Variants in MAPK12 observed in about 807,000 individuals in gnomAD.
The protein encoded by MAPK12 is MAP kinase 12.
MAPK12 carries 49 observed loss-of-function variants against 49.1 expected under a neutral mutation model. That is an observed-to-expected ratio of 1.00 (90% CI 0.79 to 1.27). The LOEUF (loss-of-function observed/expected upper bound fraction) is 1.27. Among genes scored for constraint, MAPK12 ranks in the 50% most tolerant of loss-of-function variants. The pLI, the probability that MAPK12 is intolerant of heterozygous loss-of-function variation, is 0.00. For synonymous variants in MAPK12, 251 were observed against 209.7 expected, an observed-to-expected ratio of 1.20 and a Z score of -1.70; for missense variants, 554 against 502.4, an observed-to-expected ratio of 1.10 and a Z score of -0.98.
chr22:50,260,934 A>G, intron 2 of MAPK12: 1 of 417,874 alleles, frequency 2.4e-6, no homozygotes, highest in Non-Finnish European at 4.2e-6. Flanking sequence ...GCGCCGAGTC[A>G]AGGGGCTGAG....
At chr22:50,259,436 C>T (rs2065186471) in intron 2 of MAPK12, among the ~76,000 whole-genome samples, 3 of 152,132 alleles carry the variant, frequency 2.0e-5, no homozygotes, top group Admixed American at 6.5e-5. Context: ...AGAGCCTCCT[C>T]CCCCGCTGAG....
Position 50,256,927 on chromosome 22 carries a change from G to A in MAPK12, c.456+8C>T, listed in dbSNP as rs763722749. ...GGGCTGATGAGCGGCTTCTCCACCG[G>A]GACTCACTCTGTGGATGATGCCGGC... On this transcript the variant is annotated splice_region_variant and intron_variant, in intron 5 of 11. Coordinates refer to ENST00000215659, the MANE Select transcript of MAPK12 (RefSeq NM_002969.6). 2 of 1,605,666 alleles carry A rather than the reference G, an allele frequency of 1.2e-6. No individual in the cohort carries two copies. Among genetic ancestry groups the A allele is most frequent in the Non-Finnish European group, 8.5e-7 (1 of 1,177,966 alleles).
Position 50,257,130 on chromosome 22 carries a change from G to A in MAPK12, c.378C>T (p.Gly126=), listed in dbSNP as rs746893581. The A allele has an allele frequency of 1.2e-5, 20 of 1,612,680 alleles. No homozygotes were observed. The highest frequency in any genetic ancestry group is 2.2e-5 in the South Asian group (2 of 91,088). ...LGKLMKHEKL[G]EDRIQFLVYQ... is the part of the protein sequence containing the mutation. The stretch of plus-strand genomic sequence containing the variant: ...ACACGAGGAACTGGATCCGGTCCTC[G>A]CCTAGCTTCTCATGTTTCATGAGCT... The change falls in exon 4 of 12, where the codon GGC becomes GGT. Residue 126 remains glycine (G), a synonymous_variant. Coordinates refer to ENST00000215659, the MANE Select transcript of MAPK12 (RefSeq NM_002969.6).
chr22:50,257,711 A>G (rs2065164783), intron 3 of MAPK12: 2 of 618,034 alleles, frequency 3.2e-6, no homozygotes, highest in Admixed American at 5.5e-5. Context: ...ACCTTCCCAG[A>G]GGCCACTGAC....
chr22:50,261,560 C>T lies in MAPK12; in HGVS notation c.-51G>A. 3.9e-6 allele frequency: 4 copies of T among 1,038,028 alleles called. No individual in the cohort carries two copies. The highest frequency in any genetic ancestry group is 4.6e-6 in the Non-Finnish European group (4 of 864,376). 64.3% of individuals were successfully genotyped at this position (1,038,028 alleles called of 1,614,324 possible). Reference sequence around the variant, plus strand: ...GCAGAGCCTGCGGGCGGTGCCCCCACGACCGGGGACGGGGCTCCCTCGGCG... The same window carrying T: ...GCAGAGCCTGCGGGCGGTGCCCCCATGACCGGGGACGGGGCTCCCTCGGCG... On this transcript the variant is annotated 5_prime_UTR_variant, in exon 1 of 12. It adds an upstream start codon to the 5' untranslated region. Transcript: ENST00000215659.
At chr22:50,254,916 C>T in intron 11 of MAPK12, 1 of 1,322,830 alleles carries the variant, frequency 7.6e-7, no homozygotes, top group Non-Finnish European at 9.7e-7. Context: ...CTTCAACTTC[C>T]AGCTCCAGCC....
chr22:50,257,058 T>C (rs1302340137), intron 4 of MAPK12, 24 bp downstream of exon 4: 4 of 1,608,448 alleles, frequency 2.5e-6, no homozygotes, highest in Non-Finnish European at 3.4e-6. Flanking sequence ...CCTGCCTCCC[T>C]GCAGCCTCCC....
Position 50,256,202 on chromosome 22 carries a change from G to C in MAPK12, c.505-3C>G, listed in dbSNP as rs1017973159. On this transcript the variant is annotated splice_polypyrimidine_tract_variant and splice_region_variant and intron_variant, in intron 6 of 11. Transcript: ENST00000215659. ...CTGGCCAGGCCGAAGTCCAGGATCT[G>C]TGGGAAGAATTGGGGAGGTGGGTTC... 1 of 1,609,604 alleles carries C rather than the reference G, an allele frequency of 6.2e-7. No individual in the cohort carries two copies. Among genetic ancestry groups the C allele is most frequent in the African/African-American group, 1.3e-5 (1 of 74,880 alleles).
In MAPK12 at chr22:50,258,303, T is replaced by TG. The variant is rs778558556; in HGVS notation, c.256-3dup. 107 of 1,612,608 alleles carry TG rather than the reference T, an allele frequency of 6.6e-5. 1 individual carries two copies. The South Asian group carries it at 9.6e-4, about 14-fold the overall frequency. ...GAATACGTCCAGCAGCCCGATCACC[T>TG]GGGGGGGCCACATAGGGTTGAGAAT... On this transcript the variant is annotated splice_polypyrimidine_tract_variant and splice_region_variant and intron_variant, in intron 2 of 11. Coordinates refer to ENST00000215659, the MANE Select transcript of MAPK12 (RefSeq NM_002969.6).
intron 2 of MAPK12, among the ~76,000 whole-genome samples, chr22:50,259,891 AAAAAAAAG>A (rs1481334344): frequency 2.0e-4 from 30 of 151,160 alleles, no homozygotes; most frequent in Non-Finnish European, 3.7e-4. Context: ...TCTCAAAAGA[AAAAAAAAG>A]AAAAAAAGCC....
rs148564423 is a variant in MAPK12 at position 50,257,222 on chromosome 22, G to A, written c.315-29C>T. 9,105 of 1,572,982 alleles carry A rather than the reference G, an allele frequency of 5.8e-3. 59 individuals are homozygous for A. Among genetic ancestry groups the A allele is most frequent in the Middle Eastern group, 0.012 (70 of 5,734 alleles). On this transcript the variant is annotated intron_variant, in intron 3 of 11. Coordinates refer to ENST00000215659, the MANE Select transcript of MAPK12 (RefSeq NM_002969.6). ...TGGGAGGGGCCGGAGCGCTGTCAGC[G>A]GACAGAGCCAGCCTCTGCATCCCAG...
intron 7 of MAPK12, 22 bp from the exon 8 acceptor site, chr22:50,255,903 G>A: frequency 6.2e-7 from 1 of 1,606,718 alleles, no homozygotes; most frequent in Non-Finnish European, 8.5e-7. Context: ...GCCCTGGTCA[G>A]CTCCGTGGGC....
At chr22:50,261,357 C>G (rs2065211960) in intron 1 of MAPK12, 28 bp downstream of exon 1, 6 of 1,137,690 alleles carry the variant, frequency 5.3e-6, no homozygotes, top group Non-Finnish European at 6.5e-6. Flanking sequence ...GCCCGCCCCG[C>G]CGGCCGCCCC....
chr22:50,257,883 A>G (rs575544626), intron 3 of MAPK12: 14 of 768,156 alleles, frequency 1.8e-5, no homozygotes, highest in Middle Eastern at 4.8e-4. Flanking sequence ...CCCGCTGGAA[A>G]AGGTCAGCAG....
rs202210542 is a variant in MAPK12 at position 50,255,190 on chromosome 22, C to A, written c.1024+7G>T. On this transcript the variant is annotated splice_region_variant and intron_variant, in intron 11 of 11. Coordinates refer to ENST00000215659, the MANE Select transcript of MAPK12 (RefSeq NM_002969.6). ...CACACAGGCCGTGCCAGGAGCCCCC[C>A]ACTCACGCTTCCATTCATCCAGTGT... 42 of 1,613,608 alleles carry A rather than the reference C, an allele frequency of 2.6e-5. 1 individual carries two copies. In the Admixed American group the frequency reaches 4.5e-4, roughly 17 times the overall value.
chr22:50,254,702 A>G, intron 11 of MAPK12: 1 of 1,055,688 alleles, frequency 9.5e-7, no homozygotes, highest in South Asian at 3.2e-5. Context: ...AGGAGGTGTG[A>G]GCAGAGAGGC....
Position 50,258,398 on chromosome 22 carries a change from C to T in MAPK12, c.256-97G>A, listed in dbSNP as rs73891203. 12,529 of 1,036,710 alleles carry T rather than the reference C, an allele frequency of 0.012. 1,029 individuals are homozygous for T. The African/African-American group carries it at 0.18, about 15-fold the overall frequency. 64.2% of individuals were successfully genotyped at this position (1,036,710 alleles called of 1,614,324 possible). The stretch of plus-strand genomic sequence containing the variant: ...CCCTCTGGGCAGGAAACCCCCTCTG[C>T]AGCTGTCATTGTCATGCCCCACTGT... On this transcript the variant is annotated intron_variant, in intron 2 of 11. Transcript: ENST00000215659.
At chr22:50,255,578 G>GGCCCCCCCCCCCCCCC in intron 9 of MAPK12, 37 bp downstream of exon 9, 2 of 1,582,004 alleles carry the variant, frequency 1.3e-6, no homozygotes, top group Non-Finnish European at 1.7e-6. Flanking sequence ...GCCCAGGTCC[G>GGCCCCCCCCCCCCCCC]CCCCCACCCC....
At chr22:50,259,692 G>T (rs898990492) in intron 2 of MAPK12, among the ~76,000 whole-genome samples, 11 of 152,166 alleles carry the variant, frequency 7.2e-5, no homozygotes, top group African/African-American at 2.7e-4. Context: ...AGACCAGTCT[G>T]CCCAACATAG....
Sources: allele counts gnomAD v4.1 joint callset (sites outside exome capture counted in the v4.1 genomes callset), GRCh38; gene constraint gnomAD v4.1.1; transcripts MANE v1.5; gene names NCBI Gene and HGNC (gene_info 2026-07-23, HGNC 2026-07-21).